The following BCOR variants were observed in gnomAD, a reference collection of about 807,000 sequenced individuals.
BCOR encodes the protein BCL-6 corepressor.
Under a neutral mutation model 86.7 loss-of-function variants are expected in BCOR, and 10 were observed. The observed-to-expected ratio is 0.12, with a 90% CI of 0.07 to 0.20. The LOEUF (loss-of-function observed/expected upper bound fraction) is 0.20. Among genes scored for constraint, BCOR ranks in the 10% least tolerant of loss-of-function variants. BCOR has a pLI of 1.00. For missense variants in BCOR, 1,259 were observed against 1,452.1 expected (o/e 0.87, Z 2.16); for synonymous variants, 611 against 609.0 (o/e 1.00, Z -0.05).
At chrX:40,124,843 C>CT (rs1478732428) in intron 1 of BCOR, among the ~76,000 whole-genome samples, 3 of 111,028 alleles carry the variant, frequency 2.7e-5, no homozygotes, top group Non-Finnish European at 5.7e-5. Context: ...TCCCAAAGTG[C>CT]TAGGATTACA....
intron 1 of BCOR, among the ~76,000 whole-genome samples, chrX:40,148,252 C>A (rs752292759): frequency 8.9e-6 from 1 of 111,960 alleles, no homozygotes; most frequent in South Asian, 3.7e-4. Flanking sequence ...TTTCCCTCAA[C>A]CCTTCTCCCG....
chrX:40,169,633 G>A (rs1938577734), intron 1 of BCOR, among the ~76,000 whole-genome samples: 1 of 111,047 alleles, frequency 9.0e-6, no homozygotes, highest in Non-Finnish European at 1.9e-5. Flanking sequence ...CAAAAACCAG[G>A]AGGAGAAATA....
At chrX:40,124,929 G>A (rs1937522408) in intron 1 of BCOR, among the ~76,000 whole-genome samples, 1 of 107,201 alleles carries the variant, frequency 9.3e-6, no homozygotes, top group Non-Finnish European at 1.9e-5. Flanking sequence ...AAATAAGTAA[G>A]ACATACCCTT....
intron 1 of BCOR, among the ~76,000 whole-genome samples, chrX:40,118,856 G>A (rs753472203): frequency 1.8e-5 from 2 of 112,036 alleles, no homozygotes; most frequent in South Asian, 3.7e-4. Context: ...TTGTTGAGAC[G>A]GAGGCTCGCT....
At chrX:40,131,441 G>A (rs1242860778) in intron 1 of BCOR, among the ~76,000 whole-genome samples, 1 of 112,376 alleles carries the variant, frequency 8.9e-6, no homozygotes, top group Non-Finnish European at 1.9e-5. Flanking sequence ...CAGATCACCT[G>A]AGGTCGGGGG....
intron 4 of BCOR, 43 bp from the exon 5 acceptor site, chrX:40,071,733 T>G (rs1602145623): frequency 9.9e-7 from 1 of 1,005,887 alleles, no homozygotes; most frequent in East Asian, 3.0e-5. Context: ...TTTAGATAAC[T>G]TCATCCATTT....
chrX:40,059,149 C>A (rs1934747880), intron 10 of BCOR, among the ~76,000 whole-genome samples: 1 of 112,163 alleles, frequency 8.9e-6, no homozygotes, highest in African/African-American at 3.2e-5. Context: ...TAAGTCAACT[C>A]TGTTATCCTG....
chrX:40,134,318 C>CT (rs1937639602), intron 1 of BCOR, among the ~76,000 whole-genome samples: 1 of 111,563 alleles, frequency 9.0e-6, no homozygotes, highest in African/African-American at 3.3e-5. Context: ...CCAAAAGCTA[C>CT]TGTCATTTAC....
chrX:40,055,406 T>C lies in BCOR; in HGVS notation c.4703A>G (p.Lys1568Arg). ...TTCCATAAGTTCACTGTGGGTCATT[T>C]TCATGATGGTTCTACCTGAGTACGT... ...LATYSGRTIM[K>R]MTHSELMEKF... The change falls in exon 12 of 15, where the codon AAA becomes AGA. Residue 1568 changes from lysine (K) to arginine (R), a missense_variant. By Grantham distance (26) the Lys-to-Arg change is conservative. Around this residue, in one of 7 missense-constraint regions of BCOR, gnomAD observed 137 missense variants for 149.8 expected, o/e 0.91. Transcript: ENST00000378444. 1 of 1,211,337 alleles carries C rather than the reference T, an allele frequency of 8.3e-7. No individual in the cohort carries two copies. The highest frequency in any genetic ancestry group is 1.1e-6 in the Non-Finnish European group (1 of 894,808).
At chrX:40,082,847 T>C (rs1936166488) in intron 1 of BCOR, among the ~76,000 whole-genome samples, 1 of 112,032 alleles carries the variant, frequency 8.9e-6, no homozygotes, top group Admixed American at 9.4e-5. Context: ...AAACACACTG[T>C]GTAATAAGCC....
At position 40,072,614 on chromosome X, in the gene BCOR, G is replaced by A; in HGVS notation, c.2732C>T (p.Ala911Val). ...LEPPLGSDGPAVTFGKTQEDP... is the reference protein window; with the variant it reads ...LEPPLGSDGPVVTFGKTQEDP... ...CTCTTGGGTTTTACCAAAAGTTACA[G>A]CAGGGCCATCGCTCCCCAGAGGTGG... The change falls in exon 4 of 15, where the codon GCT (alanine) becomes GTT (valine). Residue 911 changes from alanine to valine, a missense_variant. By Grantham distance (64) the Ala-to-Val change is moderately conservative (BLOSUM62 0). Around this residue, in one of 7 missense-constraint regions of BCOR, gnomAD observed 534 missense variants for 594.8 expected, o/e 0.90. Coordinates refer to ENST00000378444, the MANE Select transcript of BCOR (RefSeq NM_001123385.2). 8.2e-7 allele frequency: 1 copy of A among 1,212,156 alleles called. No individual in the cohort carries two copies. The highest frequency in any genetic ancestry group is 1.1e-6 in the Non-Finnish European group (1 of 895,603).
At chrX:40,080,954 C>CA (rs1936068585) in intron 1 of BCOR, among the ~76,000 whole-genome samples, 1 of 82,506 alleles carries the variant, frequency 1.2e-5, no homozygotes, top group African/African-American at 4.5e-5. Flanking sequence ...CTTACGCACA[C>CA]ACGTGCACGC....
intron 1 of BCOR, among the ~76,000 whole-genome samples, chrX:40,091,010 C>G (rs753976950): frequency 9.0e-6 from 1 of 110,952 alleles, no homozygotes; most frequent in African/African-American, 3.3e-5. Context: ...AACACATTCC[C>G]CCTCCCCACA....
At chrX:40,052,676 C>T (rs1169090714) in intron 14 of BCOR, among the ~76,000 whole-genome samples, 11 of 107,565 alleles carry the variant, frequency 1.0e-4, no homozygotes, top group Admixed American at 2.0e-4. Flanking sequence ...GCCATTCTCC[C>T]GCCTCAGCCT....
chrX:40,116,047 C>T (rs1245715960), intron 1 of BCOR, among the ~76,000 whole-genome samples: 1 of 111,514 alleles, frequency 9.0e-6, no homozygotes, highest in East Asian at 2.8e-4. Flanking sequence ...CACAGCTCTT[C>T]TGAAGCAGAA....
intron 10 of BCOR, among the ~76,000 whole-genome samples, 157 bp downstream of exon 10, chrX:40,061,982 G>A (rs1934896335): frequency 1.8e-5 from 2 of 110,649 alleles, no homozygotes; most frequent in African/African-American, 6.6e-5. Flanking sequence ...AGACAGCAGT[G>A]AGAGTGGGGC....
chrX:40,170,571 A>ACTC (rs768829613), intron 1 of BCOR, among the ~76,000 whole-genome samples: 1 of 110,034 alleles, frequency 9.1e-6, no homozygotes, highest in South Asian at 3.9e-4. Flanking sequence ...CTGGTCTCGA[A>ACTC]CTCCTGACCT....
intron 1 of BCOR, among the ~76,000 whole-genome samples, chrX:40,158,352 G>A (rs1359560234): frequency 8.9e-6 from 1 of 111,996 alleles, no homozygotes; most frequent in Non-Finnish European, 1.9e-5. Context: ...CGGCTGCGCA[G>A]GCGGCGCTGC....
intron 1 of BCOR, among the ~76,000 whole-genome samples, chrX:40,126,162 G>A (rs1427815425): frequency 3.8e-5 from 4 of 105,533 alleles, no homozygotes; most frequent in African/African-American, 1.4e-4. Context: ...GTTGCAGTGA[G>A]CCAAGATCGT....
Sources: gnomAD v4.1 joint callset for allele counts (sites outside exome capture counted in the v4.1 genomes callset) on GRCh38, gnomAD v4.1.1 for gene constraint, gnomAD v4.1.1 regional missense constraint, MANE v1.5 for transcripts, NCBI Gene and HGNC (gene_info 2026-07-23, HGNC 2026-07-21) for gene names.